GAB1: variants seen among roughly 807,000 people sequenced by gnomAD.
GAB1 encodes the protein GRB2-associated-binding protein 1.
A neutral mutation model predicts 66.5 loss-of-function variants in GAB1; 19 were observed. The observed-to-expected ratio is 0.29, with a 90% CI of 0.20 to 0.42. The LOEUF (loss-of-function observed/expected upper bound fraction) is 0.42. GAB1 is among the 10% of genes least tolerant of loss of function. The pLI is 1.00. For synonymous variants in GAB1, 294 were observed against 301.4 expected (o/e 0.98, Z 0.25); for missense variants, 732 against 858.5 (o/e 0.85, Z 1.84).
intron 1 of GAB1, among the ~76,000 whole-genome samples, chr4:143,353,562 A>G (rs1050279031): frequency 6.6e-6 from 1 of 151,796 alleles, no homozygotes; most frequent in Middle Eastern, 3.4e-3. Flanking sequence ...CCAGCTACCT[A>G]CTGAATGCAC....
At chr4:143,341,494 C>G (rs535583127) in intron 1 of GAB1, among the ~76,000 whole-genome samples, 1 of 152,238 alleles carries the variant, frequency 6.6e-6, no homozygotes, top group African/African-American at 2.4e-5. Flanking sequence ...CATAGCCCAG[C>G]TGTCAGCATT....
In GAB1 at chr4:143,425,362, C is replaced by G. The variant is rs187533266; in HGVS notation, c.368-8129C>G. 1,083 of 762,084 alleles carry G rather than the reference C, an allele frequency of 1.4e-3. 6 individuals carry two copies. Among genetic ancestry groups the G allele is most frequent in the Non-Finnish European group, 7.8e-4 (326 of 417,428 alleles). The allele number at this position is 762,084 out of a possible 1,614,324, so 47.2% of individuals were successfully genotyped here. On this transcript the variant is annotated intron_variant, in intron 2 of 9. Transcript: ENST00000262994. ...AATCCAATTGCTGGTCACTTCACTC[C>G]TGGAACCTTCAGATGCAGACAGCCT...
At chr4:143,455,943 T>G (rs1266202752) in intron 6 of GAB1, among the ~76,000 whole-genome samples, 1 of 152,166 alleles carries the variant, frequency 6.6e-6, no homozygotes, top group Non-Finnish European at 1.5e-5. Flanking sequence ...CACCAGCAAG[T>G]GGCAGGCTAG....
At chr4:143,366,157 G>T (rs1729873742) in intron 1 of GAB1, among the ~76,000 whole-genome samples, 1 of 152,160 alleles carries the variant, frequency 6.6e-6, no homozygotes, top group African/African-American at 2.4e-5. Context: ...AGTCCACAAG[G>T]TCACTTCCAG....
At chr4:143,374,903 T>A (rs936414033) in intron 1 of GAB1, among the ~76,000 whole-genome samples, 1 of 152,320 alleles carries the variant, frequency 6.6e-6, no homozygotes, top group Non-Finnish European at 1.5e-5. Flanking sequence ...CCAGAATGAC[T>A]TGTAAGGCTG....
intron 1 of GAB1, among the ~76,000 whole-genome samples, chr4:143,337,940 G>C (rs1728715071): frequency 6.6e-6 from 1 of 152,220 alleles, no homozygotes; most frequent in Admixed American, 6.5e-5. Context: ...GGGCGCTGGG[G>C]GGGAGCCTAG....
Position 143,438,445 on chromosome 4 carries a change from A to C in GAB1, c.1040A>C (p.Lys347Thr). 6.2e-7 allele frequency: 1 copy of C among 1,614,072 alleles called. No individual in the cohort carries two copies. The highest frequency in any genetic ancestry group is 8.5e-7 in the Non-Finnish European group (1 of 1,179,992). Residue 347 changes from lysine (K) to threonine (T), a missense_variant, in exon 4 of 10, where the codon AAA (lysine) becomes ACA (threonine). Physicochemically the swap from Lys to Thr is moderately conservative, Grantham distance 78. Transcript: ENST00000262994. ...IPDIPPPRPPKPHPAHDRSPV... is the reference protein window; with the variant it reads ...IPDIPPPRPPTPHPAHDRSPV... ...GATATTCCTCCACCTCGGCCACCGAAACCACATCCAGCTCATGACCGATCT... is the reference window on the plus strand; with the variant it reads ...GATATTCCTCCACCTCGGCCACCGACACCACATCCAGCTCATGACCGATCT...
intron 6 of GAB1, among the ~76,000 whole-genome samples, chr4:143,455,437 G>GAT (rs1735132990): frequency 6.6e-6 from 1 of 152,154 alleles, no homozygotes; most frequent in Non-Finnish European, 1.5e-5. Context: ...ACTTAGATAA[G>GAT]ATACTGGGGT....
rs753549802 is a variant in GAB1, at chr4:143,440,124, C to G, written c.1327C>G (p.Leu443Val). Residue 443 changes from leucine to valine, a missense_variant, in exon 6 of 10, where the codon CTG becomes GTG. Physicochemically the swap from Leu to Val is conservative, Grantham distance 32 (BLOSUM62 1). Transcript: ENST00000262994. ...AGTGGGAAGTGTTTCAAGTGAAGAA[C>G]TGGATGAAAATTACGTCCCAATGAA... ...LTVGSVSSEE[L>V]DENYVPMNPN... 2 of 1,614,100 alleles carry G rather than the reference C, an allele frequency of 1.2e-6. No individual in the cohort carries two copies. The highest frequency in any genetic ancestry group is 8.5e-7 in the Non-Finnish European group (1 of 1,179,988).
chr4:143,376,348 A>C (rs765597065), intron 1 of GAB1, among the ~76,000 whole-genome samples: 1 of 152,336 alleles, frequency 6.6e-6, no homozygotes, highest in East Asian at 1.9e-4. Flanking sequence ...AGAAAAACAC[A>C]GAAAAACTAA....
intron 2 of GAB1, chr4:143,425,399 T>C (rs1260723361): frequency 4.0e-6 from 3 of 759,174 alleles, no homozygotes; most frequent in African/African-American, 3.4e-5. Context: ...CTGGGAGCCA[T>C]GGCTTCTTGT....
At chr4:143,365,565 A>G (rs1175658936) in intron 1 of GAB1, among the ~76,000 whole-genome samples, 1 of 151,902 alleles carries the variant, frequency 6.6e-6, no homozygotes, top group African/African-American at 2.4e-5. Flanking sequence ...CCCTGTTCTG[A>G]TTTTTCACCT....
intron 1 of GAB1, among the ~76,000 whole-genome samples, chr4:143,353,756 T>A (rs1729325674): frequency 2.0e-5 from 3 of 152,180 alleles, no homozygotes; most frequent in African/African-American, 7.2e-5. Flanking sequence ...CATTCTTTCT[T>A]TATTCTAATT....
rs1231233734 is a variant in GAB1, at chr4:143,470,398, C to T, written c.*1209C>T. ...CGGATTTTGTACTGTGATTTATATT[C>T]ACTGCCCCAATTCAAGAAATATTGG... On this transcript the variant is annotated 3_prime_UTR_variant, in exon 10 of 10. Transcript: ENST00000262994. 6.6e-6 allele frequency: 1 copy of T among 152,070 alleles called. No individual in the cohort carries two copies. Among genetic ancestry groups the T allele is most frequent in the Non-Finnish European group, 1.5e-5 (1 of 68,016 alleles). 9.4% of individuals were successfully genotyped at this position (152,070 alleles called of 1,614,324 possible).
Position 143,456,174 on chromosome 4 carries a change from G to A in GAB1, c.1586-3211G>A, listed in dbSNP as rs936087853. The stretch of plus-strand genomic sequence containing the variant: ...TGGGGGAGTTTAAAAAGTTGTCATC[G>A]TAGCCGGGCGCGGTGGCTTACGCCT... On this transcript the variant is annotated intron_variant, in intron 6 of 9. Coordinates refer to ENST00000262994, the MANE Select transcript of GAB1 (RefSeq NM_002039.4). Among the ~76,000 whole-genome samples, 7 of 152,100 alleles carry A rather than the reference G, an allele frequency of 4.6e-5. No homozygotes were observed. In the South Asian group the frequency reaches 6.2e-4, roughly 14 times the overall value.
intron 1 of GAB1, among the ~76,000 whole-genome samples, chr4:143,379,427 G>A (rs889517436): frequency 2.0e-5 from 3 of 152,062 alleles, no homozygotes; most frequent in African/African-American, 4.8e-5. Context: ...TGGGTTTTGC[G>A]ATGCTCTGTT....
rs115034971 is a variant in GAB1, at chr4:143,353,196, G to A, written c.72+15936G>A. 2.1e-3 allele frequency among the ~76,000 whole-genome samples: 321 copies of A among 152,216 alleles called. 3 individuals are homozygous for A. Among genetic ancestry groups the A allele is most frequent in the African/African-American group, 7.4e-3 (307 of 41,532 alleles). On this transcript the variant is annotated intron_variant, in intron 1 of 9. Coordinates refer to ENST00000262994, the MANE Select transcript of GAB1 (RefSeq NM_002039.4). ...TCTGAAAGCATATTATTAAAGTATT[G>A]TCTAGATTTCCTGGAATAGTTCTCA...
intron 1 of GAB1, among the ~76,000 whole-genome samples, chr4:143,413,611 A>G (rs996015952): frequency 2.0e-5 from 3 of 152,118 alleles, no homozygotes; most frequent in Admixed American, 6.5e-5. Flanking sequence ...TCATGTAGCA[A>G]TACCTCTGCA....
At chr4:143,453,669 G>A (rs1029114032) in intron 6 of GAB1, among the ~76,000 whole-genome samples, 1 of 152,098 alleles carries the variant, frequency 6.6e-6, no homozygotes, top group African/African-American at 2.4e-5. Flanking sequence ...CAAAAGCAAC[G>A]CAATACAAAT....
Sources: gnomAD v4.1 joint callset for allele counts (sites outside exome capture counted in the v4.1 genomes callset) on GRCh38, gnomAD v4.1.1 for gene constraint, MANE v1.5 for transcripts, NCBI Gene and HGNC (gene_info 2026-07-23, HGNC 2026-07-21) for gene names.